Variants in TENM2 observed in about 807,000 individuals in gnomAD.
The protein encoded by TENM2 is teneurin transmembrane protein 2, also known as teneurin-2.
A neutral mutation model predicts 245.2 loss-of-function variants in TENM2; 52 were observed. The observed-to-expected ratio is 0.21, with a 90% CI of 0.17 to 0.27. TENM2 has a LOEUF of 0.27. Among genes scored for constraint, TENM2 ranks in the 10% least tolerant of loss-of-function variants. TENM2 has a pLI of 1.00. For synonymous variants in TENM2, 1,363 were observed against 1,438.9 expected, an observed-to-expected ratio of 0.95 and a Z score of 1.19; for missense variants, 3,046 against 3,666.8, an observed-to-expected ratio of 0.83 and a Z score of 4.37.
chr5:167,116,657 G>A, the TENM2 span: 2 of 151,918 alleles, frequency 1.3e-5, no homozygotes, highest in African/African-American at 4.8e-5. Flanking sequence ...CTTATGAAGT[G>A]GGTAAAATAA....
At chr5:167,788,546 C>A (rs1764734350) in intron 2 of TENM2, among the ~76,000 whole-genome samples, 1 of 152,094 alleles carries the variant, frequency 6.6e-6, no homozygotes, top group African/African-American at 2.4e-5. Flanking sequence ...CAAAGAAGAT[C>A]TCAGAAATAA....
At chr5:167,684,854 C>A (rs1019519274) in intron 2 of TENM2, among the ~76,000 whole-genome samples, 1 of 152,148 alleles carries the variant, frequency 6.6e-6, no homozygotes, top group African/African-American at 2.4e-5. Flanking sequence ...TCTATTAATG[C>A]CACTATATCA....
At chr5:167,767,584 C>G (rs1004014276) in intron 2 of TENM2, among the ~76,000 whole-genome samples, 10 of 152,028 alleles carry the variant, frequency 6.6e-5, no homozygotes, top group Non-Finnish European at 1.3e-4. Flanking sequence ...TAAAAGAGAA[C>G]CACTATATTT....
the TENM2 span, among the ~76,000 whole-genome samples, chr5:167,029,669 G>C: frequency 1.3e-5 from 2 of 152,184 alleles, no homozygotes; most frequent in Admixed American, 6.5e-5. Context: ...GCTGTTGCCA[G>C]GGACAACAGA....
chr5:167,038,335 G>A, the TENM2 span, among the ~76,000 whole-genome samples: 1 of 152,134 alleles, frequency 6.6e-6, no homozygotes, highest in African/African-American at 2.4e-5. Context: ...GGAAGCATCA[G>A]AAACCAGGGC....
At chr5:167,598,189 G>T (rs1189351205) in intron 2 of TENM2, among the ~76,000 whole-genome samples, 1 of 152,138 alleles carries the variant, frequency 6.6e-6, no homozygotes, top group African/African-American at 2.4e-5. Context: ...CATTTTAATT[G>T]TGTATATTAG....
the TENM2 span, among the ~76,000 whole-genome samples, chr5:167,001,325 G>T: frequency 6.6e-6 from 1 of 151,988 alleles, no homozygotes; most frequent in African/African-American, 2.4e-5. Flanking sequence ...TTCTTAGATC[G>T]TATGGAAAAA....
At chr5:167,030,033 AAAAC>A in the TENM2 span, among the ~76,000 whole-genome samples, 16 of 152,194 alleles carry the variant, frequency 1.1e-4, no homozygotes, top group African/African-American at 3.4e-4. Flanking sequence ...TGATTTCTGA[AAAAC>A]AAACAAATTA....
At chr5:167,374,857 G>T (rs1382786809) in intron 1 of TENM2, among the ~76,000 whole-genome samples, 1 of 152,084 alleles carries the variant, frequency 6.6e-6, no homozygotes, top group Non-Finnish European at 1.5e-5. Context: ...AGTAAAATGT[G>T]CACAAGTAAG....
chr5:167,931,336 G>A (rs1778266085), intron 3 of TENM2, among the ~76,000 whole-genome samples: 1 of 152,012 alleles, frequency 6.6e-6, no homozygotes, highest in African/African-American at 2.4e-5. Context: ...TTGAACTGGG[G>A]TGAGAATGCA....
At chr5:168,250,098 G>A (rs1000215507) in intron 27 of TENM2, among the ~76,000 whole-genome samples, 8 of 147,976 alleles carry the variant, frequency 5.4e-5, no homozygotes, top group Admixed American at 3.4e-4. Flanking sequence ...CTGGCTGGCT[G>A]GATGAGTGGA....
intron 2 of TENM2, among the ~76,000 whole-genome samples, chr5:167,859,718 G>A (rs1461217587): frequency 1.1e-4 from 11 of 97,796 alleles, no homozygotes; most frequent in East Asian, 3.5e-4. Flanking sequence ...CAGCCGCCCC[G>A]TCCGGGAGGG....
the TENM2 span, among the ~76,000 whole-genome samples, chr5:166,995,842 ATT>A: frequency 1.6e-5 from 2 of 123,964 alleles, no homozygotes; most frequent in Non-Finnish European, 3.4e-5. Context: ...AAAAAAAAAA[ATT>A]TCTGTTCTCT....
At chr5:167,193,680 A>G in the TENM2 span, among the ~76,000 whole-genome samples, 9 of 152,092 alleles carry the variant, frequency 5.9e-5, no homozygotes, top group Non-Finnish European at 8.8e-5. Flanking sequence ...TACTTGAGGC[A>G]TTATAGAATA....
intron 3 of TENM2, among the ~76,000 whole-genome samples, chr5:167,879,574 G>C (rs1773705499): frequency 6.6e-6 from 1 of 152,150 alleles, no homozygotes; most frequent in Non-Finnish European, 1.5e-5. Flanking sequence ...ATCAGAATAG[G>C]GTTTGCAGTT....
intron 2 of TENM2, among the ~76,000 whole-genome samples, chr5:167,635,185 T>C (rs1006816390): frequency 6.6e-6 from 1 of 152,194 alleles, no homozygotes; most frequent in African/African-American, 2.4e-5. Context: ...TATACAGAGA[T>C]ATATAATTTA....
chr5:167,451,760 T>TGCCTCC (rs1471107993), intron 2 of TENM2, among the ~76,000 whole-genome samples: 1 of 152,054 alleles, frequency 6.6e-6, no homozygotes, highest in African/African-American at 2.4e-5. Flanking sequence ...GCCATTCTTC[T>TGCCTCC]GCCTCCGCCT....
intron 5 of TENM2, among the ~76,000 whole-genome samples, chr5:168,018,368 G>T (rs1000893326): frequency 9.1e-5 from 13 of 143,268 alleles, no homozygotes; most frequent in Non-Finnish European, 1.5e-4. Flanking sequence ...TTAACATGGT[G>T]TTGTGAGCTC....
chr5:168,249,261 C>T (rs1183987586), intron 27 of TENM2, among the ~76,000 whole-genome samples: 1 of 152,046 alleles, frequency 6.6e-6, no homozygotes, highest in East Asian at 1.9e-4. Context: ...ATGACTGTAA[C>T]CCAGTTCCTG....
Sources: gnomAD v4.1 joint callset for allele counts (sites outside exome capture counted in the v4.1 genomes callset) on GRCh38, gnomAD v4.1.1 for gene constraint, MANE v1.5 for transcripts, NCBI Gene and HGNC (gene_info 2026-07-23, HGNC 2026-07-21) for gene names.